The following ANKRD45 variants were observed in gnomAD, a reference collection of about 807,000 sequenced individuals.
The protein encoded by ANKRD45 is ankyrin repeat domain 45, also known as ankyrin repeat domain-containing protein 45.
In ANKRD45, 21 loss-of-function variants were observed where a neutral mutation model predicts 28.1. That is an observed-to-expected ratio of 0.75 (90% CI 0.53 to 1.08). The LOEUF (loss-of-function observed/expected upper bound fraction) is 1.08, where lower values mean the gene tolerates loss of function less well. Ranked by LOEUF, ANKRD45 falls within the 50% of genes least tolerant of loss-of-function variation. The pLI is 0.00. For synonymous variants in ANKRD45, 86 were observed against 103.9 expected (o/e 0.83, Z 1.05); for missense variants, 261 against 308.7 (o/e 0.85, Z 1.16).
chr1:173,710,162 AAAAC>A, the ANKRD45 span, among the ~76,000 whole-genome samples: 6 of 152,212 alleles, frequency 3.9e-5, no homozygotes, highest in Admixed American at 2.0e-4. Context: ...TCGTCTCTAC[AAAAC>A]AAACAAACAA....
intron 2 of ANKRD45, among the ~76,000 whole-genome samples, chr1:173,651,857 A>T (rs1459256765): frequency 6.6e-6 from 1 of 152,064 alleles, no homozygotes; most frequent in Non-Finnish European, 1.5e-5. Context: ...CTTTGTAGCA[A>T]TTGTGAATGG....
At chr1:173,631,156 A>G (rs1481060921) in intron 3 of ANKRD45, among the ~76,000 whole-genome samples, 1 of 152,216 alleles carries the variant, frequency 6.6e-6, no homozygotes, top group Non-Finnish European at 1.5e-5. Flanking sequence ...ATGGAAACCA[A>G]TAAAGAGCAG....
intron 5 of ANKRD45, among the ~76,000 whole-genome samples, chr1:173,614,683 C>A (rs1357560284): frequency 1.3e-5 from 2 of 152,290 alleles, no homozygotes; most frequent in Non-Finnish European, 2.9e-5. Flanking sequence ...CACACATGTT[C>A]CCAGCAAAGG....
chr1:173,615,414 AGT>A (rs1004029739), intron 5 of ANKRD45, among the ~76,000 whole-genome samples: 33 of 151,212 alleles, frequency 2.2e-4, no homozygotes, highest in African/African-American at 7.0e-4. Context: ...ATGCCCCCCA[AGT>A]GTAGTGCTGA....
chr1:173,688,561 C>CCT, the ANKRD45 span, among the ~76,000 whole-genome samples: 5 of 111,306 alleles, frequency 4.5e-5, no homozygotes, highest in African/African-American at 1.5e-4. Flanking sequence ...TCTGCCTCTT[C>CCT]CTCTCTCTCT....
the ANKRD45 span, among the ~76,000 whole-genome samples, chr1:173,684,847 G>A: frequency 2.6e-5 from 4 of 152,276 alleles, no homozygotes; most frequent in South Asian, 8.3e-4. Context: ...CTCTAGTGTA[G>A]TTAATAGATC....
intron 3 of ANKRD45, among the ~76,000 whole-genome samples, chr1:173,629,493 C>T (rs779194473): frequency 1.3e-5 from 2 of 151,884 alleles, no homozygotes; most frequent in Non-Finnish European, 2.9e-5. Flanking sequence ...AATTATGGAG[C>T]TGAAAAATGC....
At chr1:173,688,579 G>GCCTCTTCCTCTCTCTCTCTCTGCCT in the ANKRD45 span, among the ~76,000 whole-genome samples, 1 of 85,380 alleles carries the variant, frequency 1.2e-5, no homozygotes, top group African/African-American at 4.0e-5. Context: ...TCTCTCTGCC[G>GCCTCTTCCTCTCTCTCTCTCTGCCT]CTTCCTCTCT....
chr1:173,663,283 A>G (rs552320860), intron 1 of ANKRD45, among the ~76,000 whole-genome samples: 27 of 152,296 alleles, frequency 1.8e-4, no homozygotes, highest in African/African-American at 6.3e-4. Context: ...AACAAGGGAC[A>G]CAAGGAAATG....
chr1:173,688,353 CCT>C, the ANKRD45 span, among the ~76,000 whole-genome samples: 43 of 136,462 alleles, frequency 3.2e-4, no homozygotes, highest in South Asian at 6.7e-4. Context: ...TCTCTGACTC[CCT>C]CTCTCTCTCT....
At chr1:173,615,065 C>T (rs912218497) in intron 5 of ANKRD45, among the ~76,000 whole-genome samples, 22 of 152,188 alleles carry the variant, frequency 1.4e-4, no homozygotes, top group Non-Finnish European at 2.5e-4. Flanking sequence ...GTAATCCACC[C>T]GCCTCAGCCT....
chr1:173,692,441 G>A, the ANKRD45 span, among the ~76,000 whole-genome samples: 3 of 152,126 alleles, frequency 2.0e-5, no homozygotes, highest in Non-Finnish European at 4.4e-5. Context: ...CTCCAAAGGA[G>A]GCAATGAGAT....
At chr1:173,645,839 A>G (rs1410768909) in intron 3 of ANKRD45, among the ~76,000 whole-genome samples, 2 of 152,176 alleles carry the variant, frequency 1.3e-5, no homozygotes, top group East Asian at 3.8e-4. Flanking sequence ...CTCAAGCCCA[A>G]CATGCTCTGA....
At chr1:173,679,474 T>A in the ANKRD45 span, among the ~76,000 whole-genome samples, 2 of 152,176 alleles carry the variant, frequency 1.3e-5, no homozygotes, top group Admixed American at 1.3e-4. Context: ...TAAACGGTGT[T>A]GGGAAAACTG....
chr1:173,667,629 C>A, intron 1 of ANKRD45: 1 of 327,976 alleles, frequency 3.0e-6, no homozygotes, highest in Non-Finnish European at 5.9e-6. Context: ...TCACTGGAAC[C>A]CAGGAGGCAG....
intron 5 of ANKRD45, among the ~76,000 whole-genome samples, chr1:173,617,952 C>T (rs1185053755): frequency 6.6e-6 from 1 of 152,186 alleles, no homozygotes; most frequent in East Asian, 1.9e-4. Flanking sequence ...TGCTGTTTCA[C>T]AGGCTTTACT....
chr1:173,621,635 T>G (rs1176359174), intron 5 of ANKRD45, among the ~76,000 whole-genome samples: 1 of 152,098 alleles, frequency 6.6e-6, no homozygotes, highest in South Asian at 2.1e-4. Context: ...CTCAATAAAC[T>G]AAGTATTGAA....
Position 173,613,562 on chromosome 1 carries a change from G to GCC in ANKRD45, c.731-3349_731-3348dup, listed in dbSNP as rs1281895834. 8.9e-4 allele frequency among the ~76,000 whole-genome samples: 94 copies of GCC among 105,756 alleles called. 6 individuals carry two copies. Among genetic ancestry groups the GCC allele is most frequent in the African/African-American group, 4.9e-3 (58 of 11,832 alleles). 69.4% of individuals were successfully genotyped at this position (105,756 alleles called of 152,430 possible). ...CGTCCGGGAGGGAGGTGGGGGGTCA[G>GCC]CCCCCCCCCCGGCCAGCCGCCCCGT... On this transcript the variant is annotated intron_variant, in intron 5 of 5. Coordinates refer to ENST00000333279, the MANE Select transcript of ANKRD45 (RefSeq NM_198493.3).
At position 173,619,349 on chromosome 1, in the gene ANKRD45, G is replaced by A. The variant is rs1398523889; in HGVS notation, c.730+5438C>T. 7.9e-5 allele frequency among the ~76,000 whole-genome samples: 12 copies of A among 152,020 alleles called. No individual in the cohort carries two copies. The East Asian group carries it at 2.1e-3, about 27-fold the overall frequency. ...ATTAAGAGACACAGAATGGCAAGCT[G>A]GATAAAGATCCAAGACCCATCAGTA... On this transcript the variant is annotated intron_variant, in intron 5 of 5. Transcript: ENST00000333279.
Sources: allele counts gnomAD v4.1 joint callset (sites outside exome capture counted in the v4.1 genomes callset), GRCh38; gene constraint gnomAD v4.1.1; transcripts MANE v1.5; gene names NCBI Gene and HGNC (gene_info 2026-07-23, HGNC 2026-07-21).